SFI1: variants seen among roughly 807,000 people sequenced by gnomAD.
SFI1 encodes protein SFI1 homolog.
A neutral mutation model predicts 207.5 loss-of-function variants in SFI1; 195 were observed. The observed-to-expected ratio is 0.94, with a 90% CI of 0.84 to 1.06. The LOEUF is 1.06. Ranked by LOEUF, SFI1 falls within the 50% of genes least tolerant of loss-of-function variation. SFI1 has a pLI of 0.00. For synonymous variants in SFI1, 630 were observed against 598.9 expected (o/e 1.05, Z -0.76); for missense variants, 1,634 against 1,588.0 (o/e 1.03, Z -0.49).
At chr22:31,615,325 G>T in intron 29 of SFI1, 46 bp downstream of exon 29, 4 of 1,412,630 alleles carry the variant, frequency 2.8e-6, no homozygotes, top group Non-Finnish European at 3.7e-6. Context: ...TCTCACTCTG[G>T]TCTGACTTCT....
At chr22:31,597,566 T>G (rs2067339257) in intron 15 of SFI1, among the ~76,000 whole-genome samples, 1 of 152,126 alleles carries the variant, frequency 6.6e-6, no homozygotes, top group African/African-American at 2.4e-5. Flanking sequence ...TGAGATGATG[T>G]GGTCATAGTC....
chr22:31,509,911 ATATT>A (rs560529392), intron 2 of SFI1, among the ~76,000 whole-genome samples: 10 of 151,384 alleles, frequency 6.6e-5, no homozygotes, highest in Non-Finnish European at 1.3e-4. Flanking sequence ...CATTGTTTTG[ATATT>A]TATTTATTTA....
intron 9 of SFI1, among the ~76,000 whole-genome samples, chr22:31,574,273 C>T (rs1318548583): frequency 3.3e-5 from 5 of 152,154 alleles, no homozygotes; most frequent in Admixed American, 3.3e-4. Flanking sequence ...GGATAGTGAC[C>T]CCAGACCAAC....
At chr22:31,548,368 C>T (rs1342555753) in intron 5 of SFI1, among the ~76,000 whole-genome samples, 1 of 151,602 alleles carries the variant, frequency 6.6e-6, no homozygotes, top group Non-Finnish European at 1.5e-5. Flanking sequence ...TTAGGAGTTC[C>T]AGACCAGCCT....
chr22:31,564,220 A>G (rs13055433), intron 8 of SFI1, among the ~76,000 whole-genome samples: 8 of 150,720 alleles, frequency 5.3e-5, no homozygotes, highest in East Asian at 4.0e-4. Flanking sequence ...CCAGCTACTC[A>G]GGAGGCTGAG....
intron 15 of SFI1, among the ~76,000 whole-genome samples, chr22:31,595,111 C>T (rs1047862916): frequency 1.3e-5 from 2 of 152,078 alleles, no homozygotes; most frequent in African/African-American, 4.8e-5. Context: ...ATTCTCCTGC[C>T]TCAGCCTCCC....
chr22:31,545,635 G>C (rs556338526), intron 4 of SFI1, among the ~76,000 whole-genome samples: 1 of 151,436 alleles, frequency 6.6e-6, no homozygotes, highest in Non-Finnish European at 1.5e-5. Flanking sequence ...ATGTTGGAGT[G>C]CAGTGGCTCG....
intron 7 of SFI1, 71 bp downstream of exon 7, chr22:31,557,130 A>G (rs2061246701): frequency 1.1e-6 from 1 of 895,044 alleles, no homozygotes; most frequent in Admixed American, 2.5e-5. Flanking sequence ...GTGCTGGAAA[A>G]CAGCATAAAA....
At chr22:31,559,877 G>A in intron 7 of SFI1, 1 of 665,396 alleles carries the variant, frequency 1.5e-6, no homozygotes, top group South Asian at 1.4e-5. Flanking sequence ...TCGTGTCCGA[G>A]GCCAGCACAC....
chr22:31,605,190 C>T (rs1401577131), intron 20 of SFI1: 1 of 342,912 alleles, frequency 2.9e-6, no homozygotes, highest in African/African-American at 2.1e-5. Flanking sequence ...GGCCACTTGT[C>T]TTGCTCTTCT....
Position 31,550,152 on chromosome 22 carries a change from C to A in SFI1, c.450-102C>A, listed in dbSNP as rs530753589. The A allele has an allele frequency of 4.5e-4, 342 of 761,310 alleles. No homozygotes were observed. In the African/African-American group the frequency reaches 4.9e-3, roughly 11 times the overall value. 47.2% of individuals were successfully genotyped at this position (761,310 alleles called of 1,614,324 possible). The stretch of plus-strand genomic sequence containing the variant: ...CCATATCGGCCAGGCTGGTCTTGAA[C>A]TCCTTGCCTTGGCCTCCCAAAGTGC... On this transcript the variant is annotated intron_variant, in intron 5 of 32. Transcript: ENST00000400288.
intron 8 of SFI1, among the ~76,000 whole-genome samples, chr22:31,563,095 G>A (rs1246034430): frequency 6.6e-6 from 1 of 151,710 alleles, no homozygotes; most frequent in Non-Finnish European, 1.5e-5. Context: ...CCAGGTTCAA[G>A]CAATTCTCCT....
intron 13 of SFI1, among the ~76,000 whole-genome samples, chr22:31,584,557 C>T (rs1235866263): frequency 6.6e-6 from 1 of 152,082 alleles, no homozygotes; most frequent in Non-Finnish European, 1.5e-5. Flanking sequence ...TTTCTTTGCC[C>T]TCCTTTTTTC....
At chr22:31,617,489 GA>G in intron 31 of SFI1, among the ~76,000 whole-genome samples, 1 of 152,282 alleles carries the variant, frequency 6.6e-6, no homozygotes, top group African/African-American at 2.4e-5. Context: ...GAGAGGCTGT[GA>G]TCCAGGCAGA....
At position 31,613,660 on chromosome 22, in the gene SFI1, T is replaced by C. The variant is rs570530807; in HGVS notation, c.2801T>C (p.Val934Ala). ...RRCATLWKQK[V>A]LGRGGKPQPL... is the part of the protein sequence containing the mutation. The stretch of plus-strand genomic sequence containing the variant: ...TGTGCCACGCTCTGGAAACAGAAAG[T>C]GCTGGGCCGGGGCGGGAAGCCTCAG... Residue 934 changes from valine (V) to alanine (A), a missense_variant, in exon 27 of 33, where the codon GTG becomes GCG. Transcript: ENST00000400288. 4.4e-6 allele frequency: 7 copies of C among 1,607,728 alleles called. No homozygotes were observed. In the South Asian group the frequency reaches 7.7e-5, roughly 18 times the overall value.
At chr22:31,581,783 A>G (rs2064211494) in intron 12 of SFI1, among the ~76,000 whole-genome samples, 1 of 152,182 alleles carries the variant, frequency 6.6e-6, no homozygotes, top group South Asian at 2.1e-4. Context: ...AAAAAGTATA[A>G]TAAGCCTCTA....
intron 22 of SFI1, among the ~76,000 whole-genome samples, chr22:31,609,943 G>A (rs117683198): frequency 0.023 from 3,506 of 152,322 alleles, 50 homozygotes; most frequent in Middle Eastern, 0.044. Flanking sequence ...AGAGGCGACG[G>A]GTTTGAGTGT....
Position 31,568,194 on chromosome 22 carries a change from T to TGTGTG in SFI1, c.766-4864_766-4863insGTGTG, listed in dbSNP as rs749787029. ...GTGTGTGTGTGTGTGTGTGTGTGTG[T>TGTGTG]TGTGTGTGTGTGTGTGTATATATAT... On this transcript the variant is annotated intron_variant, in intron 8 of 32. Coordinates refer to ENST00000400288, the MANE Select transcript of SFI1 (RefSeq NM_001007467.3). Among the ~76,000 whole-genome samples the TGTGTG allele has an allele frequency of 7.7e-3, 713 of 92,496 alleles. 11 individuals carry two copies. The highest frequency in any genetic ancestry group is 0.036 in the African/African-American group (680 of 19,012). 60.7% of individuals were successfully genotyped at this position (92,496 alleles called of 152,430 possible). A position where few individuals can be genotyped will look rare whatever the true frequency, so the allele number is the denominator to read the frequency against.
intron 6 of SFI1, among the ~76,000 whole-genome samples, chr22:31,554,177 T>A (rs2060932449): frequency 6.6e-6 from 1 of 152,092 alleles, no homozygotes. Context: ...ATGTCATCTC[T>A]AAGAACTTTG....
Sources: allele counts gnomAD v4.1 joint callset (sites outside exome capture counted in the v4.1 genomes callset), GRCh38; gene constraint gnomAD v4.1.1; transcripts MANE v1.5; gene names NCBI Gene and HGNC (gene_info 2026-07-23, HGNC 2026-07-21).